The following FRZB variants were observed in gnomAD, a reference collection of about 807,000 sequenced individuals.
The protein encoded by FRZB is frizzled related protein, also known as secreted frizzled-related protein 3.
In FRZB, 34 loss-of-function variants were observed where a neutral mutation model predicts 32.5. That is an observed-to-expected ratio of 1.05 (90% CI 0.80 to 1.39). The LOEUF is 1.39. FRZB is among the 40% of genes most tolerant of loss of function. The pLI, the probability that FRZB is intolerant of heterozygous loss-of-function variation, is 0.00. For synonymous variants in FRZB, 170 were observed against 159.2 expected, an observed-to-expected ratio of 1.07 and a Z score of -0.51; for missense variants, 423 against 424.8, an observed-to-expected ratio of 1.00 and a Z score of 0.04.
In FRZB at chr2:182,834,847, A is replaced by T. The variant is rs896626959; in HGVS notation, c.*2T>A. 1.2e-6 allele frequency: 2 copies of T among 1,607,940 alleles called. No individual in the cohort carries two copies. Among genetic ancestry groups the T allele is most frequent in the African/African-American group, 2.7e-5 (2 of 74,754 alleles). On this transcript the variant is annotated 3_prime_UTR_variant, in exon 6 of 6. Transcript: ENST00000295113. The stretch of plus-strand genomic sequence containing the variant: ...ACTGTGTTACTTTTTGTATTTCGGG[A>T]TTTAGTTGCGTGCTTGCCGGGGGTT...
rs1331497459 is a variant in FRZB, at chr2:182,833,540, A to T, written c.*1309T>A. 1 of 152,170 alleles carries T rather than the reference A, an allele frequency of 6.6e-6. No homozygotes were observed. The highest frequency in any genetic ancestry group is 1.5e-5 in the Non-Finnish European group (1 of 68,014). The allele number at this position is 152,170 out of a possible 1,614,324, so 9.4% of individuals were successfully genotyped here. A position where few individuals can be genotyped will look rare whatever the true frequency, so the allele number is the denominator to read the frequency against. ...ACCCATTGTAAGTCAACAAATTGTT[A>T]AATTGAAGCATTGTAAATTGAATCA... On this transcript the variant is annotated 3_prime_UTR_variant, in exon 6 of 6. Transcript: ENST00000295113.
At chr2:182,849,318 A>C (rs1360844600) in intron 2 of FRZB, among the ~76,000 whole-genome samples, 1 of 152,148 alleles carries the variant, frequency 6.6e-6, no homozygotes, top group Non-Finnish European at 1.5e-5. Context: ...ACATAAATAT[A>C]TACATTTGTC....
At position 182,834,012 on chromosome 2, in the gene FRZB, C is replaced by T. The variant is rs2105749462; in HGVS notation, c.*837G>A. The T allele has an allele frequency of 6.6e-6, 1 of 152,122 alleles. No homozygotes were observed. Among genetic ancestry groups the T allele is most frequent in the East Asian group, 1.9e-4 (1 of 5,176 alleles). 9.4% of individuals were successfully genotyped at this position (152,122 alleles called of 1,614,324 possible). A position where few individuals can be genotyped will look rare whatever the true frequency, so the allele number is the denominator to read the frequency against. On this transcript the variant is annotated 3_prime_UTR_variant, in exon 6 of 6. Coordinates refer to ENST00000295113, the MANE Select transcript of FRZB (RefSeq NM_001463.4). ...TTTTAAAAGAAGAGAAAAAAAAAGA[C>T]TTTCACCAATGGGTTTATTTAAAAG...
At chr2:182,852,493 G>A (rs1468467135) in intron 2 of FRZB, among the ~76,000 whole-genome samples, 3 of 152,180 alleles carry the variant, frequency 2.0e-5, no homozygotes, top group African/African-American at 4.8e-5. Context: ...CAGGCCCCAA[G>A]AAATAATTTG....
intron 1 of FRZB, among the ~76,000 whole-genome samples, chr2:182,863,311 A>T (rs1157658961): frequency 6.6e-6 from 1 of 152,252 alleles, no homozygotes; most frequent in Non-Finnish European, 1.5e-5. Context: ...CTGAGTTTTC[A>T]GATAATCAGT....
intron 2 of FRZB, among the ~76,000 whole-genome samples, chr2:182,845,108 C>T (rs1439310521): frequency 6.6e-6 from 1 of 152,076 alleles, no homozygotes; most frequent in East Asian, 1.9e-4. Flanking sequence ...AAATTCATAT[C>T]TTAGGTTATT....
At chr2:182,854,370 C>G (rs1695743523) in intron 2 of FRZB, among the ~76,000 whole-genome samples, 1 of 152,136 alleles carries the variant, frequency 6.6e-6, no homozygotes, top group Non-Finnish European at 1.5e-5. Context: ...GAAGCAGCAA[C>G]ATAAGAACTC....
At chr2:182,850,314 G>T (rs1024170263) in intron 2 of FRZB, among the ~76,000 whole-genome samples, 1 of 152,014 alleles carries the variant, frequency 6.6e-6, no homozygotes, top group Non-Finnish European at 1.5e-5. Context: ...CAAACACTAG[G>T]TCTTCCTCCT....
intron 2 of FRZB, among the ~76,000 whole-genome samples, chr2:182,848,870 T>C (rs1382604772): frequency 6.6e-6 from 1 of 152,140 alleles, no homozygotes; most frequent in Non-Finnish European, 1.5e-5. Context: ...TCTATGGCAA[T>C]GAAAATCAGA....
intron 2 of FRZB, among the ~76,000 whole-genome samples, chr2:182,849,102 C>G (rs1254450171): frequency 6.6e-6 from 1 of 152,070 alleles, no homozygotes; most frequent in East Asian, 1.9e-4. Context: ...TGGCAAGTGC[C>G]TGTAGTCCCA....
At chr2:182,840,685 T>C (rs1203537970) in intron 3 of FRZB, among the ~76,000 whole-genome samples, 1 of 152,096 alleles carries the variant, frequency 6.6e-6, no homozygotes, top group Non-Finnish European at 1.5e-5. Context: ...CCCAGACAAA[T>C]GGCAATCCTG....
intron 2 of FRZB, among the ~76,000 whole-genome samples, chr2:182,854,722 G>A (rs540169845): frequency 7.0e-4 from 107 of 152,234 alleles, no homozygotes; most frequent in Non-Finnish European, 1.1e-3. Context: ...AAAAGACTGG[G>A]GCAAATCCCC....
At chr2:182,859,365 C>G (rs551488174) in intron 1 of FRZB, among the ~76,000 whole-genome samples, 2 of 152,080 alleles carry the variant, frequency 1.3e-5, no homozygotes, top group Non-Finnish European at 2.9e-5. Context: ...CAAGCCAGTG[C>G]AATTAATAGA....
chr2:182,854,728 T>A, intron 2 of FRZB, among the ~76,000 whole-genome samples: 1 of 152,164 alleles, frequency 6.6e-6, no homozygotes, highest in South Asian at 2.1e-4. Context: ...CTGGGGCAAA[T>A]CCCCATTACT....
Position 182,848,709 on chromosome 2 carries a change from C to T in FRZB, c.527-6166G>A, listed in dbSNP as rs145278415. 2.5e-3 allele frequency among the ~76,000 whole-genome samples: 376 copies of T among 152,250 alleles called. 8 individuals carry two copies. Among genetic ancestry groups the T allele is most frequent in the East Asian group, 1.7e-3 (9 of 5,184 alleles). On this transcript the variant is annotated intron_variant, in intron 2 of 5. Transcript: ENST00000295113. ...ATATAGAAGTCATATTGGTATTATG[C>T]TCATACAAGGGTGTACTTTTACACA...
rs1225643242 is a variant in FRZB, at chr2:182,834,889, T to G, written c.938A>C (p.Lys313Thr). 6.2e-7 allele frequency: 1 copy of G among 1,613,536 alleles called. No individual in the cohort carries two copies. Among genetic ancestry groups the G allele is most frequent in the East Asian group, 2.2e-5 (1 of 44,860 alleles). ...CCGGGGGTTCGAGTTCCTGCCAGAC[T>G]TCTGACTCTGAGTGGAATCACTATT... The part of the protein sequence containing the change: ...SSNSDSTQSQ[K>T]SGRNSNPRQA... The change falls in exon 6 of 6, where the codon AAG (lysine) becomes ACG (threonine). Residue 313 changes from lysine to threonine, a missense_variant. Transcript: ENST00000295113.
intron 1 of FRZB, among the ~76,000 whole-genome samples, chr2:182,862,017 T>C (rs1346446895): frequency 6.6e-6 from 1 of 152,222 alleles, no homozygotes; most frequent in East Asian, 1.9e-4. Context: ...AATTCTAATC[T>C]AAAATTTCCA....
Position 182,834,368 on chromosome 2 carries a change from C to A in FRZB, c.*481G>T, listed in dbSNP as rs143226769. On this transcript the variant is annotated 3_prime_UTR_variant, in exon 6 of 6. Coordinates refer to ENST00000295113, the MANE Select transcript of FRZB (RefSeq NM_001463.4). ...ATTTTACCTTTATAAACATTTGGAA[C>A]TTTCTAAGCATGAGGAGAATGCCCA... The A allele has an allele frequency of 1.5e-3, 225 of 153,616 alleles. No individual in the cohort carries two copies. Among genetic ancestry groups the A allele is most frequent in the African/African-American group, 5.0e-3 (207 of 41,560 alleles). 9.5% of individuals were successfully genotyped at this position (153,616 alleles called of 1,614,324 possible).
intron 2 of FRZB, among the ~76,000 whole-genome samples, chr2:182,856,551 A>C (rs138373879): frequency 6.6e-6 from 1 of 152,226 alleles, no homozygotes; most frequent in African/African-American, 2.4e-5. Flanking sequence ...TTTTTTAAAA[A>C]GACCCAACTA....
Sources: gnomAD v4.1 joint callset for allele counts (sites outside exome capture counted in the v4.1 genomes callset) on GRCh38, gnomAD v4.1.1 for gene constraint, MANE v1.5 for transcripts, NCBI Gene and HGNC (gene_info 2026-07-23, HGNC 2026-07-21) for gene names.